Variants in SERPINA9 observed in about 807,000 individuals in gnomAD.
SERPINA9 encodes the protein serpin family A member 9, also known as serpin A9.
A neutral mutation model predicts 24.5 loss-of-function variants in SERPINA9; 32 were observed. The ratio of observed to expected loss-of-function variants is 1.30; its 90% CI spans 0.98 to 1.75. SERPINA9 has a LOEUF of 1.75. SERPINA9 is among the 40% of genes most tolerant of loss of function. The pLI is 0.00. For missense variants in SERPINA9, 594 were observed against 497.1 expected, an observed-to-expected ratio of 1.19 and a Z score of -1.85; for synonymous variants, 233 against 197.7, an observed-to-expected ratio of 1.18 and a Z score of -1.50.
intron 1 of SERPINA9, among the ~76,000 whole-genome samples, chr14:94,475,000 A>G (rs566214543): frequency 6.6e-6 from 1 of 152,156 alleles, no homozygotes; most frequent in African/African-American, 2.4e-5. Flanking sequence ...TCACCTCCCC[A>G]GCTGCATCTT....
rs113231290 is a variant in SERPINA9, at chr14:94,465,052, A to C, written c.903-198T>G. 3.9e-5 allele frequency among the ~76,000 whole-genome samples: 6 copies of C among 152,286 alleles called. 1 individual carries two copies. The highest frequency in any genetic ancestry group is 1.4e-4 in the African/African-American group (6 of 41,554). ...CAGCTGAGCAGGTCCAGCACTAAAA[A>C]CATGCAAGGAGATAGACGAGCCCCC... On this transcript the variant is annotated intron_variant, in intron 3 of 4. Coordinates refer to ENST00000674397, the MANE Select transcript of SERPINA9 (RefSeq NM_175739.4).
intron 1 of SERPINA9, among the ~76,000 whole-genome samples, chr14:94,475,687 A>G (rs533232044): frequency 6.6e-6 from 1 of 152,126 alleles, no homozygotes; most frequent in African/African-American, 2.4e-5. Context: ...TCTCCATCTC[A>G]GGACCCTTCC....
chr14:94,472,720 G>A (rs74074792), intron 1 of SERPINA9, among the ~76,000 whole-genome samples: 3,306 of 152,296 alleles, frequency 0.022, 123 homozygotes, highest in African/African-American at 0.074. Flanking sequence ...GTAAGTACAG[G>A]CATTGGGAAC....
intron 2 of SERPINA9, among the ~76,000 whole-genome samples, 155 bp downstream of exon 2, chr14:94,469,058 T>G (rs903194859): frequency 6.6e-6 from 1 of 152,222 alleles, no homozygotes; most frequent in Non-Finnish European, 1.5e-5. Context: ...TCCTAGGTCC[T>G]GCAGCCAGCT....
intron 1 of SERPINA9, chr14:94,475,934 C>A: frequency 1.5e-6 from 1 of 658,434 alleles, no homozygotes. Flanking sequence ...CTCCAACTCA[C>A]TCACTGGTCC....
At chr14:94,472,923 A>C (rs969316078) in intron 1 of SERPINA9, among the ~76,000 whole-genome samples, 1 of 152,196 alleles carries the variant, frequency 6.6e-6, no homozygotes, top group African/African-American at 2.4e-5. Flanking sequence ...AGATTTCAGC[A>C]CCACAGAAGC....
At position 94,474,840 on chromosome 14, in the gene SERPINA9, G is replaced by A. The variant is rs78435280; in HGVS notation, c.-18+1296C>T. Among the ~76,000 whole-genome samples, 307 of 152,056 alleles carry A rather than the reference G, an allele frequency of 2.0e-3. 1 individual carries two copies. Among genetic ancestry groups the A allele is most frequent in the African/African-American group, 7.1e-3 (295 of 41,458 alleles). On this transcript the variant is annotated intron_variant, in intron 1 of 4. Transcript: ENST00000674397. ...CTCTCACTCACTCCCATCTCCAAGC[G>A]CTCCTCCACCCTGCAGACAGGGTGA...
At chr14:94,469,976 G>A (rs1899233675) in intron 1 of SERPINA9, 119 bp from the exon 2 acceptor site, 2 of 813,424 alleles carry the variant, frequency 2.5e-6, no homozygotes, top group African/African-American at 1.7e-5. Flanking sequence ...CCAGTTAGCA[G>A]AGCTCTCTCA....
At chr14:94,466,395 C>T (rs1956714) in intron 3 of SERPINA9, among the ~76,000 whole-genome samples, 50,565 of 152,050 alleles carry the variant, frequency 0.33, 9,352 homozygotes, top group Non-Finnish European at 0.41. Flanking sequence ...GGGGCATTGC[C>T]CAATCTCTTT....
At chr14:94,474,771 C>A (rs1038049605) in intron 1 of SERPINA9, among the ~76,000 whole-genome samples, 3 of 152,078 alleles carry the variant, frequency 2.0e-5, no homozygotes, top group African/African-American at 7.2e-5. Context: ...TCTTCTGGAC[C>A]TCTCCCTCCC....
intron 1 of SERPINA9, among the ~76,000 whole-genome samples, chr14:94,470,663 T>C (rs1399721600): frequency 1.3e-5 from 2 of 152,232 alleles, no homozygotes; most frequent in African/African-American, 4.8e-5. Context: ...CTTACAGAGT[T>C]GTTCAGAGGA....
chr14:94,464,886 C>T (rs757184266), intron 3 of SERPINA9, 32 bp from the exon 4 acceptor site: 4 of 1,593,910 alleles, frequency 2.5e-6, no homozygotes, highest in Non-Finnish European at 3.4e-6. Flanking sequence ...ACAATGAGGT[C>T]ACAAGCCCAT....
At chr14:94,465,285 C>G (rs1898948758) in intron 3 of SERPINA9, among the ~76,000 whole-genome samples, 1 of 152,206 alleles carries the variant, frequency 6.6e-6, no homozygotes, top group African/African-American at 2.4e-5. Context: ...TGGGAAGATC[C>G]TAGACCTGCA....
At chr14:94,469,897 G>T (rs1269695104) in intron 1 of SERPINA9, 40 bp from the exon 2 acceptor site, 1 of 1,474,676 alleles carries the variant, frequency 6.8e-7, no homozygotes, top group East Asian at 2.3e-5. Context: ...GTAAACTGAG[G>T]GTCCAGGCCC....
At chr14:94,470,251 C>A (rs1203413260) in intron 1 of SERPINA9, 2 of 989,226 alleles carry the variant, frequency 2.0e-6, no homozygotes, top group South Asian at 9.3e-5. Context: ...GTTTCTCACC[C>A]TTTGGAGGTC....
chr14:94,474,329 G>A (rs1156995374), intron 1 of SERPINA9, among the ~76,000 whole-genome samples: 1 of 152,190 alleles, frequency 6.6e-6, no homozygotes, highest in Admixed American at 6.5e-5. Flanking sequence ...TTTCTTTTGG[G>A]CTTGGGTTGA....
At chr14:94,467,518 C>A in intron 2 of SERPINA9, 136 bp from the exon 3 acceptor site, 1 of 750,064 alleles carries the variant, frequency 1.3e-6, no homozygotes, top group East Asian at 2.6e-5. Flanking sequence ...TCTGATATTA[C>A]ACAGCGGAGT....
chr14:94,472,473 A>G (rs191343446), intron 1 of SERPINA9, among the ~76,000 whole-genome samples: 11 of 152,328 alleles, frequency 7.2e-5, no homozygotes, highest in African/African-American at 2.6e-4. Context: ...TTCTATTACC[A>G]AATGGATTAT....
At position 94,469,513 on chromosome 14, in the gene SERPINA9, T is replaced by C; in HGVS notation, c.328A>G (p.Ile110Val). ...ACCAGGTGCTGGAAGCCCTGGTGGATGGCAGACTCTGGTGTGTGTGTGAGG... is the reference window on the plus strand; with the variant it reads ...ACCAGGTGCTGGAAGCCCTGGTGGACGGCAGACTCTGGTGTGTGTGTGAGG... ...FNLTHTPESA[I>V]HQGFQHLVHS... The change falls in exon 2 of 5, where the codon ATC becomes GTC. Residue 110 changes from isoleucine to valine, a missense_variant. By Grantham distance (29) the Ile-to-Val change is conservative. Coordinates refer to ENST00000674397, the MANE Select transcript of SERPINA9 (RefSeq NM_175739.4). 1 of 1,614,198 alleles carries C rather than the reference T, an allele frequency of 6.2e-7. No homozygotes were observed. Among genetic ancestry groups the C allele is most frequent in the Non-Finnish European group, 8.5e-7 (1 of 1,180,044 alleles).
Sources: allele counts gnomAD v4.1 joint callset (sites outside exome capture counted in the v4.1 genomes callset), GRCh38; gene constraint gnomAD v4.1.1; transcripts MANE v1.5; gene names NCBI Gene and HGNC (gene_info 2026-07-23, HGNC 2026-07-21).